The following GSK3B variants were observed in gnomAD, a reference collection of about 807,000 sequenced individuals.
GSK3B encodes glycogen synthase kinase-3 beta.
A neutral mutation model predicts 56.4 loss-of-function variants in GSK3B; 15 were observed. The ratio of observed to expected loss-of-function variants is 0.27; its 90% CI spans 0.18 to 0.41. The LOEUF (loss-of-function observed/expected upper bound fraction) is 0.41. GSK3B is among the 10% of genes least tolerant of loss of function. The pLI is 1.00. For missense variants in GSK3B, 300 were observed against 513.4 expected, an observed-to-expected ratio of 0.58 and a Z score of 4.02; for synonymous variants, 181 against 188.9, an observed-to-expected ratio of 0.96 and a Z score of 0.34.
chr3:119,850,324 C>T lies in GSK3B; in HGVS notation c.1097-6971G>A, dbSNP rs6804704. On this transcript the variant is annotated intron_variant, in intron 9 of 10. Transcript: ENST00000264235. ...CTAAAATGAACAATCACTACTACTT[C>T]TACATCCTTCCAACTTCTACACCCC... Among the ~76,000 whole-genome samples the T allele has an allele frequency of 6.4e-3, 967 of 152,206 alleles. 13 individuals are homozygous for T. The highest frequency in any genetic ancestry group is 0.02 in the African/African-American group (828 of 41,552).
intron 9 of GSK3B, among the ~76,000 whole-genome samples, chr3:119,851,309 T>C (rs942053398): frequency 6.6e-6 from 1 of 152,180 alleles, no homozygotes; most frequent in Non-Finnish European, 1.5e-5. Context: ...AACTCAAATA[T>C]GCCTGATAAA....
In GSK3B at chr3:119,824,976, G is replaced by A; in HGVS notation, c.*1812C>T. 5.5e-6 allele frequency: 1 copy of A among 183,276 alleles called. No individual in the cohort carries two copies. The highest frequency in any genetic ancestry group is 1.2e-5 in the Non-Finnish European group (1 of 86,110). The allele number at this position is 183,276 out of a possible 1,614,324, so 11.4% of individuals were successfully genotyped here. Reference sequence around the variant, plus strand: ...CACTTCCGAACCCTCTGGAGGACGAGACCCATAAAGTGACCTAAGGTGGCA... The same window carrying A: ...CACTTCCGAACCCTCTGGAGGACGAAACCCATAAAGTGACCTAAGGTGGCA... On this transcript the variant is annotated 3_prime_UTR_variant, in exon 11 of 11. Coordinates refer to ENST00000264235, the MANE Select transcript of GSK3B (RefSeq NM_001146156.2).
chr3:119,837,971 T>TATATATATATA, intron 10 of GSK3B, among the ~76,000 whole-genome samples: 1 of 141,732 alleles, frequency 7.1e-6, no homozygotes, highest in African/African-American at 2.6e-5. Flanking sequence ...TATATATATA[T>TATATATATATA]TTCAGTCGAC....
At chr3:120,005,137 C>T (rs1378821662) in intron 1 of GSK3B, among the ~76,000 whole-genome samples, 1 of 151,814 alleles carries the variant, frequency 6.6e-6, no homozygotes, top group Admixed American at 6.6e-5. Context: ...CATACACAAG[C>T]TTCAGTAGCT....
At chr3:120,023,044 C>T (rs893446893) in intron 1 of GSK3B, among the ~76,000 whole-genome samples, 5 of 152,088 alleles carry the variant, frequency 3.3e-5, no homozygotes, top group Non-Finnish European at 7.4e-5. Context: ...ACATGCCTAA[C>T]TCTGCCCTTT....
intron 3 of GSK3B, among the ~76,000 whole-genome samples, chr3:119,946,988 C>T (rs1324217944): frequency 6.7e-6 from 1 of 149,592 alleles, no homozygotes; most frequent in East Asian, 2.0e-4. Flanking sequence ...ACATAGATGT[C>T]TTTAAAAAAA....
chr3:120,086,522 G>T (rs2058464390), intron 1 of GSK3B, among the ~76,000 whole-genome samples: 2 of 152,150 alleles, frequency 1.3e-5, no homozygotes, highest in East Asian at 3.8e-4. Flanking sequence ...TCTCAGATGG[G>T]TGCAGTGGCT....
intron 1 of GSK3B, among the ~76,000 whole-genome samples, chr3:120,066,051 A>G (rs1244940728): frequency 6.6e-6 from 1 of 152,186 alleles, no homozygotes. Flanking sequence ...TGGTGAAGGT[A>G]CTTAATGCTA....
At chr3:119,862,715 G>C (rs2056124265) in intron 9 of GSK3B, among the ~76,000 whole-genome samples, 1 of 129,946 alleles carries the variant, frequency 7.7e-6, no homozygotes, top group Non-Finnish European at 1.6e-5. Context: ...TTTATGCTCA[G>C]TGTAATAAGA....
chr3:120,004,412 A>G (rs1432808685), intron 1 of GSK3B, among the ~76,000 whole-genome samples: 2 of 152,202 alleles, frequency 1.3e-5, no homozygotes, highest in African/African-American at 4.8e-5. Flanking sequence ...GAAGACAGCA[A>G]TGGTTCTCCC....
At chr3:119,979,328 C>T (rs1045261276) in intron 2 of GSK3B, among the ~76,000 whole-genome samples, 1 of 152,178 alleles carries the variant, frequency 6.6e-6, no homozygotes, top group Non-Finnish European at 1.5e-5. Flanking sequence ...AAAACCCTCT[C>T]CGGGTCTCTC....
At chr3:119,984,463 G>A (rs935367784) in intron 2 of GSK3B, among the ~76,000 whole-genome samples, 6 of 151,010 alleles carry the variant, frequency 4.0e-5, no homozygotes, top group Non-Finnish European at 5.9e-5. Flanking sequence ...TTGATAGACC[G>A]GTAGCAAGAT....
intron 1 of GSK3B, among the ~76,000 whole-genome samples, chr3:120,006,817 G>A (rs1453115669): frequency 6.6e-6 from 1 of 152,102 alleles, no homozygotes; most frequent in African/African-American, 2.4e-5. Flanking sequence ...AAGCAGGAGA[G>A]ATCTAAATCA....
At chr3:120,045,369 TC>T (rs2058094629) in intron 1 of GSK3B, among the ~76,000 whole-genome samples, 1 of 152,138 alleles carries the variant, frequency 6.6e-6, no homozygotes, top group Non-Finnish European at 1.5e-5. Context: ...TCCCATCAGC[TC>T]TAATCAATAA....
chr3:120,000,481 T>C (rs1483398250), intron 2 of GSK3B, among the ~76,000 whole-genome samples: 1 of 152,204 alleles, frequency 6.6e-6, no homozygotes, highest in Non-Finnish European at 1.5e-5. Flanking sequence ...AGATGGACAC[T>C]AGAATGTGGT....
At chr3:119,977,540 T>C (rs1326883670) in intron 2 of GSK3B, among the ~76,000 whole-genome samples, 1 of 152,248 alleles carries the variant, frequency 6.6e-6, no homozygotes, top group Non-Finnish European at 1.5e-5. Context: ...ATCCAACTTG[T>C]AGCTGTCCTT....
chr3:120,023,946 AAT>A (rs1204922845), intron 1 of GSK3B, among the ~76,000 whole-genome samples: 3 of 152,228 alleles, frequency 2.0e-5, no homozygotes, highest in South Asian at 4.1e-4. Flanking sequence ...TTTAAAACAG[AAT>A]ATATCAGTTT....
intron 2 of GSK3B, among the ~76,000 whole-genome samples, chr3:119,999,946 A>T (rs1315864765): frequency 6.6e-6 from 1 of 152,234 alleles, no homozygotes; most frequent in East Asian, 1.9e-4. Flanking sequence ...AGAACCATAG[A>T]AGATTTATGG....
intron 1 of GSK3B, among the ~76,000 whole-genome samples, chr3:120,006,147 G>A (rs6796420): frequency 0.53 from 79,939 of 151,914 alleles, 24,332 homozygotes; most frequent in African/African-American, 0.85. Context: ...TTAAACCAAC[G>A]AAGATCAAAA....
Sources: allele counts gnomAD v4.1 joint callset (sites outside exome capture counted in the v4.1 genomes callset), GRCh38; gene constraint gnomAD v4.1.1; transcripts MANE v1.5; gene names NCBI Gene and HGNC (gene_info 2026-07-23, HGNC 2026-07-21).